Variants in NINJ2 observed in about 807,000 individuals in gnomAD.
NINJ2 encodes ninjurin-2.
Under a neutral mutation model 11.7 loss-of-function variants are expected in NINJ2, and 12 were observed. The observed-to-expected ratio is 1.02, with a 90% CI of 0.66 to 1.66. The LOEUF (loss-of-function observed/expected upper bound fraction) is 1.66. Ranked by LOEUF, NINJ2 falls within the 40% of genes most tolerant of loss-of-function variation. The pLI is 0.00. For missense variants in NINJ2, 187 were observed against 181.8 expected (o/e 1.03, Z -0.16); for synonymous variants, 93 against 76.8 (o/e 1.21, Z -1.10).
At chr12:567,200 C>G (rs112537323) in intron 1 of NINJ2, among the ~76,000 whole-genome samples, 7,960 of 151,972 alleles carry the variant, frequency 0.052, 491 homozygotes, top group African/African-American at 0.15. Flanking sequence ...CCCAGCAGAT[C>G]ACCATGACAG....
rs1179380508 is a variant in NINJ2, at chr12:581,370, A to T, written c.34-15192T>A. Among the ~76,000 whole-genome samples the T allele has an allele frequency of 6.6e-6, 1 of 152,018 alleles. No individual in the cohort carries two copies. Among genetic ancestry groups the T allele is most frequent in the African/African-American group, 2.4e-5 (1 of 41,378 alleles). ...AAGTCCCTGAGCACTGAGTCTGGGG[A>T]TCAAAGCCGCTCCTGATTGGTGGGC... On this transcript the variant is annotated intron_variant, in intron 1 of 3. Coordinates refer to ENST00000305108, the MANE Select transcript of NINJ2 (RefSeq NM_016533.6). The surrounding 1 kb of genome is among the most constrained non-coding windows in gnomAD (Gnocchi z 4.9).
At chr12:604,376 G>A (rs940334764) in intron 1 of NINJ2, among the ~76,000 whole-genome samples, 4 of 152,218 alleles carry the variant, frequency 2.6e-5, no homozygotes, top group Middle Eastern at 3.4e-3. Context: ...GGTGGCTCAC[G>A]CCTGTAATCC....
intron 1 of NINJ2, among the ~76,000 whole-genome samples, chr12:650,871 G>A (rs979450472): frequency 1.3e-5 from 2 of 152,160 alleles, no homozygotes; most frequent in Non-Finnish European, 2.9e-5. Context: ...AACTCTTCTT[G>A]GATCCAAAAG....
In NINJ2 at chr12:585,510, TTGGAGGGAAGGGAAGGGAACG is replaced by T; in HGVS notation, c.34-19353_34-19333del. Among the ~76,000 whole-genome samples, 1 of 146,676 alleles carries T rather than the reference TTGGAGGGAAGGGAAGGGAACG, an allele frequency of 6.8e-6. No individual in the cohort carries two copies. Among genetic ancestry groups the T allele is most frequent in the African/African-American group, 2.5e-5 (1 of 39,972 alleles). Reference sequence around the variant, plus strand: ...GGTTGGAGGGAAGGGAAGGGAACGGTTGGAGGGAAGGGAAGGGAACGGTTGGAGGGAAGGGAAGGGAACGGT... The same window carrying T: ...GGTTGGAGGGAAGGGAAGGGAACGGTGTTGGAGGGAAGGGAAGGGAACGGT... On this transcript the variant is annotated intron_variant, in intron 1 of 3. Transcript: ENST00000305108. This position sits in a 1 kb window ranked among gnomAD's most constrained non-coding sequence, Gnocchi z 4.1.
At chr12:609,770 C>CAAAAAAAAAA (rs1185755822) in intron 1 of NINJ2, among the ~76,000 whole-genome samples, 7 of 88,820 alleles carry the variant, frequency 7.9e-5, no homozygotes, top group Non-Finnish European at 1.3e-4. Flanking sequence ...GACTCTGCCT[C>CAAAAAAAAAA]AAAAAAAAAA....
At position 564,353 on chromosome 12, in the gene NINJ2, G is replaced by A. The variant is rs1947260914; in HGVS notation, c.*347C>T. The A allele has an allele frequency of 6.6e-6, 1 of 152,252 alleles. No individual in the cohort carries two copies. The highest frequency in any genetic ancestry group is 2.4e-5 in the African/African-American group (1 of 41,442). 9.4% of individuals were successfully genotyped at this position (152,252 alleles called of 1,614,324 possible). A position where few individuals can be genotyped will look rare whatever the true frequency, so the allele number is the denominator to read the frequency against. ...CCATTTTACAAGAAGGGAAAATTGA[G>A]GCCTGGAGCAGAAGGAAGCAGTGGG... On this transcript the variant is annotated 3_prime_UTR_variant, in exon 4 of 4. Coordinates refer to ENST00000305108, the MANE Select transcript of NINJ2 (RefSeq NM_016533.6).
At chr12:571,080 C>A (rs1394233739) in intron 1 of NINJ2, among the ~76,000 whole-genome samples, 1 of 152,228 alleles carries the variant, frequency 6.6e-6, no homozygotes, top group Non-Finnish European at 1.5e-5. Context: ...ACTTGCCCCT[C>A]CCCTGCCACT....
chr12:610,146 A>G (rs10849334), intron 1 of NINJ2, among the ~76,000 whole-genome samples: 42,876 of 151,898 alleles, frequency 0.28, 6,337 homozygotes, highest in Admixed American at 0.37. Flanking sequence ...AACTTTGCAG[A>G]GTCATTTCCA....
chr12:624,426 TATGA>T (rs1948188616), intron 1 of NINJ2, among the ~76,000 whole-genome samples: 1 of 152,252 alleles, frequency 6.6e-6, no homozygotes, highest in South Asian at 2.1e-4. Context: ...CGGGAAAATG[TATGA>T]ATGAATGAGA....
intron 1 of NINJ2, among the ~76,000 whole-genome samples, chr12:599,699 G>A (rs1947840937): frequency 2.6e-5 from 4 of 152,198 alleles, no homozygotes; most frequent in Admixed American, 2.6e-4. Flanking sequence ...GGGAGATTAG[G>A]ACCACTCAGT....
Position 565,971 on chromosome 12 carries a change from C to T in NINJ2, c.241G>A (p.Gly81Ser), listed in dbSNP as rs751961083. The T allele has an allele frequency of 2.7e-5, 44 of 1,614,084 alleles. No homozygotes were observed. In the East Asian group the frequency reaches 3.6e-4, roughly 13 times the overall value. ...TCACCAATGACCACGAGCAGGACACCGATGACCACCTGCAGGAGCAGAGAG... is the reference window on the plus strand; with the variant it reads ...TCACCAATGACCACGAGCAGGACACTGATGACCACCTGCAGGAGCAGAGAG... ...SLSLLLQVVI[G>S]VLLVVIARLN... The change falls in exon 2 of 4, where the codon GGT becomes AGT. Residue 81 changes from glycine to serine, a missense_variant. Transcript: ENST00000305108.
chr12:620,865 G>C (rs1415814703), intron 1 of NINJ2, among the ~76,000 whole-genome samples: 4 of 152,076 alleles, frequency 2.6e-5, no homozygotes, highest in Admixed American at 6.6e-5. Context: ...CCTGACCTCA[G>C]GTGATCCACC....
chr12:625,078 G>A (rs1188028181), intron 1 of NINJ2, among the ~76,000 whole-genome samples: 1 of 145,206 alleles, frequency 6.9e-6, no homozygotes, highest in Non-Finnish European at 1.5e-5. Flanking sequence ...CTCCTGCCTG[G>A]GCAACAAGAG....
chr12:610,528 C>A, intron 1 of NINJ2: 1 of 1,490,022 alleles, frequency 6.7e-7, no homozygotes. Context: ...CAGCCCAGGG[C>A]CCTGCATGCA....
At position 638,902 on chromosome 12, in the gene NINJ2, C is replaced by T. The variant is rs1441894952; in HGVS notation, c.33+24426G>A. The stretch of plus-strand genomic sequence containing the variant: ...CAGCGAACATTACATCAGTATCAAT[C>T]GGTATATGGGAGGATGTAAATAACC... On this transcript the variant is annotated intron_variant, in intron 1 of 3. Transcript: ENST00000305108. Among the ~76,000 whole-genome samples the T allele has an allele frequency of 2.0e-5, 3 of 152,220 alleles. No individual in the cohort carries two copies. In the South Asian group the frequency reaches 6.2e-4, roughly 32 times the overall value.
chr12:624,926 T>C (rs1948195514), intron 1 of NINJ2, among the ~76,000 whole-genome samples: 1 of 151,696 alleles, frequency 6.6e-6, no homozygotes, highest in Non-Finnish European at 1.5e-5. Flanking sequence ...CTGGCCAACA[T>C]GGTGAAACCC....
chr12:648,996 G>GTCTATCAATCTA (rs1937740932), intron 1 of NINJ2, among the ~76,000 whole-genome samples: 3 of 148,912 alleles, frequency 2.0e-5, no homozygotes, highest in South Asian at 2.1e-4. Context: ...CTATCTATCT[G>GTCTATCAATCTA]TCTATCTATC....
chr12:631,633 T>C (rs1210183813), intron 1 of NINJ2, among the ~76,000 whole-genome samples: 1 of 152,156 alleles, frequency 6.6e-6, no homozygotes, highest in Non-Finnish European at 1.5e-5. Context: ...AGTGCTGGGA[T>C]TACAGGCGTG....
chr12:615,670 G>A (rs988826814), intron 1 of NINJ2, among the ~76,000 whole-genome samples: 8 of 152,106 alleles, frequency 5.3e-5, no homozygotes, highest in Admixed American at 1.3e-4. Context: ...AGCTCCTATC[G>A]GCTAAATTTA....
Sources: gnomAD v4.1 joint callset for allele counts (sites outside exome capture counted in the v4.1 genomes callset) on GRCh38, gnomAD v4.1.1 for gene constraint, Gnocchi (gnomAD v3.1) non-coding constraint, MANE v1.5 for transcripts, NCBI Gene and HGNC (gene_info 2026-07-23, HGNC 2026-07-21) for gene names.